The following MYO3A variants were observed in gnomAD, a reference collection of about 807,000 sequenced individuals.
The protein encoded by MYO3A is myosin IIIA.
MYO3A carries 180 observed loss-of-function variants against 192.7 expected under a neutral mutation model. The ratio of observed to expected loss-of-function variants is 0.93; its 90% CI spans 0.83 to 1.06. The LOEUF is 1.06. Ranked by LOEUF, MYO3A falls within the 50% of genes least tolerant of loss-of-function variation. The pLI is 0.00. For missense variants in MYO3A, 1,896 were observed against 1,905.0 expected (o/e 1.00, Z 0.09); for synonymous variants, 628 against 645.3 (o/e 0.97, Z 0.41).
chr10:26,208,582 T>G (rs1844081778), intron 34 of MYO3A, among the ~76,000 whole-genome samples: 1 of 152,228 alleles, frequency 6.6e-6, no homozygotes, highest in Non-Finnish European at 1.5e-5. Flanking sequence ...TTTAATATTC[T>G]TAAAACAGAA....
intron 6 of MYO3A, among the ~76,000 whole-genome samples, chr10:26,016,183 CTG>C (rs879277396): frequency 2.6e-5 from 4 of 152,160 alleles, no homozygotes; most frequent in Non-Finnish European, 5.9e-5. Context: ...AATGACATGA[CTG>C]AAATATTTGA....
intron 14 of MYO3A, among the ~76,000 whole-genome samples, chr10:26,081,133 T>TCCCCCCCCCTTCCCCCCCC (rs1835907338): frequency 2.9e-4 from 25 of 84,938 alleles, no homozygotes; most frequent in African/African-American, 9.7e-4. Flanking sequence ...TATATGCCCT[T>TCCCCCCCCCTTCCCCCCCC]CCCCCCCCCC....
chr10:26,008,140 C>A (rs1841363850), intron 6 of MYO3A, among the ~76,000 whole-genome samples: 3 of 147,890 alleles, frequency 2.0e-5, no homozygotes, highest in Admixed American at 2.0e-4. Flanking sequence ...GGAAAGGATT[C>A]CCTATTTAAT....
chr10:26,081,145 C>T lies in MYO3A; in HGVS notation c.1360-7058C>T, dbSNP rs1448740282. On this transcript the variant is annotated intron_variant, in intron 14 of 34. Transcript: ENST00000642920. ...GATTATATGCCCTTCCCCCCCCCCC[C>T]GCCCCCGCTACCAGGGTGGGTAGGG... Among the ~76,000 whole-genome samples, 8 of 91,580 alleles carry T rather than the reference C, an allele frequency of 8.7e-5. No homozygotes were observed. In the South Asian group the frequency reaches 1.1e-3, roughly 12 times the overall value. 60.1% of individuals were successfully genotyped at this position (91,580 alleles called of 152,430 possible). A position where few individuals can be genotyped will look rare whatever the true frequency, so the allele number is the denominator to read the frequency against.
chr10:26,142,152 T>C (rs1840202237), intron 20 of MYO3A, among the ~76,000 whole-genome samples: 1 of 152,240 alleles, frequency 6.6e-6, no homozygotes, highest in Admixed American at 6.5e-5. Context: ...ATTCAATTAA[T>C]TAAAGAATAT....
At chr10:26,140,104 T>C (rs1314229661) in intron 20 of MYO3A, among the ~76,000 whole-genome samples, 1 of 152,324 alleles carries the variant, frequency 6.6e-6, no homozygotes, top group East Asian at 1.9e-4. Flanking sequence ...AGGTGAGACC[T>C]GAATGATGAA....
chr10:26,154,962 C>T, intron 25 of MYO3A, 139 bp downstream of exon 25: 6 of 743,540 alleles, frequency 8.1e-6, no homozygotes, highest in Non-Finnish European at 1.4e-5. Flanking sequence ...GATATGTTAG[C>T]ATCTACCTTC....
intron 4 of MYO3A, among the ~76,000 whole-genome samples, chr10:25,980,945 A>G (rs1232310538): frequency 6.6e-6 from 1 of 152,206 alleles, no homozygotes; most frequent in Admixed American, 6.5e-5. Context: ...CAATCATTAC[A>G]GTATCGCATA....
chr10:26,083,364 G>A (rs1395918451), intron 14 of MYO3A, among the ~76,000 whole-genome samples: 1 of 152,144 alleles, frequency 6.6e-6, no homozygotes, highest in Middle Eastern at 3.2e-3. Context: ...TTAAAACTTA[G>A]AAATTATTTA....
chr10:25,938,489 A>T (rs574444660), intron 2 of MYO3A, among the ~76,000 whole-genome samples: 1 of 152,162 alleles, frequency 6.6e-6, no homozygotes, highest in Non-Finnish European at 1.5e-5. Context: ...CATCCTGGCT[A>T]CTCTGTGGAG....
intron 9 of MYO3A, among the ~76,000 whole-genome samples, chr10:26,024,449 G>A (rs1444681317): frequency 6.6e-6 from 1 of 152,114 alleles, no homozygotes; most frequent in Non-Finnish European, 1.5e-5. Flanking sequence ...TTTAATTGGG[G>A]CATTTAGCCT....
At chr10:26,021,730 G>C in intron 8 of MYO3A, 82 bp downstream of exon 8, 1 of 1,548,164 alleles carries the variant, frequency 6.5e-7, no homozygotes. Flanking sequence ...GCTCTTCATG[G>C]AGACGTTCAG....
intron 14 of MYO3A, among the ~76,000 whole-genome samples, chr10:26,082,272 T>C (rs149737489): frequency 6.6e-6 from 1 of 152,230 alleles, no homozygotes; most frequent in African/African-American, 2.4e-5. Flanking sequence ...CATCACTGTT[T>C]TATAGTTTTC....
At chr10:26,186,455 A>G (rs1320030483) in intron 31 of MYO3A, among the ~76,000 whole-genome samples, 1 of 151,946 alleles carries the variant, frequency 6.6e-6, no homozygotes, top group Non-Finnish European at 1.5e-5. Flanking sequence ...TTTAGTAGAG[A>G]TGGTGTTTCA....
intron 6 of MYO3A, among the ~76,000 whole-genome samples, chr10:26,002,689 A>AGTCAGGGTGGACCAGGTAATCGG (rs1840915712): frequency 2.3e-5 from 3 of 127,798 alleles, no homozygotes; most frequent in African/African-American, 7.6e-5. Flanking sequence ...CAGGTGATTG[A>AGTCAGGGTGGACCAGGTAATCGG]AATGAGTCAG....
intron 7 of MYO3A, among the ~76,000 whole-genome samples, chr10:26,018,190 G>A (rs1458158581): frequency 6.6e-6 from 1 of 151,042 alleles, no homozygotes; most frequent in African/African-American, 2.4e-5. Context: ...GCACAGTAGG[G>A]CTTGAAAGTT....
In MYO3A at chr10:26,165,871, TAC is replaced by T. The variant is rs1347919529; in HGVS notation, c.3000-194_3000-193del. ...GGTGAAAACACAATGCTCAAATTTA[TAC>T]AGACTGGACTGGGTTTCCATCAGTT... On this transcript the variant is annotated intron_variant, in intron 26 of 34. Transcript: ENST00000642920. 6.2e-6 allele frequency: 4 copies of T among 645,284 alleles called. No individual in the cohort carries two copies. The Admixed American group carries it at 7.7e-5, about 12-fold the overall frequency. The allele number at this position is 645,284 out of a possible 1,614,324, so 40.0% of individuals were successfully genotyped here. A position where few individuals can be genotyped will look rare whatever the true frequency, so the allele number is the denominator to read the frequency against.
intron 4 of MYO3A, among the ~76,000 whole-genome samples, chr10:25,977,873 A>G (rs1839054540): frequency 6.6e-6 from 1 of 152,188 alleles, no homozygotes; most frequent in Non-Finnish European, 1.5e-5. Context: ...ATCCAAAAGT[A>G]TCACATACAA....
chr10:26,070,411 A>AT lies in MYO3A; in HGVS notation c.1359+17dup, dbSNP rs1554818483. The AT allele has an allele frequency of 1.1e-5, 18 of 1,606,780 alleles. No homozygotes were observed. The highest frequency in any genetic ancestry group is 1.4e-5 in the Non-Finnish European group (16 of 1,174,878). On this transcript the variant is annotated intron_variant, in intron 14 of 34. Transcript: ENST00000642920. The stretch of plus-strand genomic sequence containing the variant: ...GACAGTGCTTGGAAAGGTATAATTT[A>AT]TTTTTTTCTCTGTCCCATCAGAAAT...
Sources: allele counts gnomAD v4.1 joint callset (sites outside exome capture counted in the v4.1 genomes callset), GRCh38; gene constraint gnomAD v4.1.1; transcripts MANE v1.5; gene names NCBI Gene and HGNC (gene_info 2026-07-23, HGNC 2026-07-21).